The following ZNF728 variants were observed in gnomAD, a reference collection of about 807,000 sequenced individuals.
ZNF728 encodes the protein zinc finger protein 728.
ZNF728 carries 12 observed loss-of-function variants against 12.5 expected under a neutral mutation model. The observed-to-expected ratio is 0.96, with a 90% CI of 0.61 to 1.55. The LOEUF (loss-of-function observed/expected upper bound fraction) is 1.55, where lower values mean the gene tolerates loss of function less well. Ranked by LOEUF, ZNF728 falls within the 40% of genes most tolerant of loss-of-function variation. The pLI, the probability that ZNF728 is intolerant of heterozygous loss-of-function variation, is 0.00. For missense variants in ZNF728, 692 were observed against 719.2 expected (o/e 0.96, Z 0.43); for synonymous variants, 205 against 240.7 (o/e 0.85, Z 1.37).
At chr19:22,983,532 T>G (rs1057341246) in intron 3 of ZNF728, among the ~76,000 whole-genome samples, 2 of 152,196 alleles carry the variant, frequency 1.3e-5, no homozygotes, top group African/African-American at 4.8e-5. Flanking sequence ...TTATAAATCA[T>G]TCTACTATAA....
intron 3 of ZNF728, among the ~76,000 whole-genome samples, chr19:22,981,873 C>T (rs1262445143): frequency 2.0e-5 from 3 of 152,058 alleles, no homozygotes; most frequent in African/African-American, 4.8e-5. Context: ...ATTGATGGAA[C>T]GTATCTCAAA....
chr19:22,994,535 G>C (rs969250581), intron 1 of ZNF728, among the ~76,000 whole-genome samples: 5 of 152,196 alleles, frequency 3.3e-5, no homozygotes, highest in African/African-American at 9.7e-5. Flanking sequence ...GAAAGACAGT[G>C]ACCATAATCA....
intron 3 of ZNF728, among the ~76,000 whole-genome samples, chr19:22,984,264 GA>G (rs892582234): frequency 3.3e-5 from 5 of 149,462 alleles, no homozygotes; most frequent in South Asian, 2.1e-4. Flanking sequence ...GAAAAAAATT[GA>G]AAAAAAAATA....
At chr19:23,002,879 A>G in intron 1 of ZNF728, 149 bp downstream of exon 1, 1 of 1,035,510 alleles carries the variant, frequency 9.7e-7, no homozygotes, top group Non-Finnish European at 1.4e-6. Context: ...TTATGCCTGA[A>G]GCGGACTGAG....
intron 3 of ZNF728, among the ~76,000 whole-genome samples, chr19:22,981,964 C>T (rs576856789): frequency 1.8e-4 from 27 of 152,180 alleles, no homozygotes; most frequent in East Asian, 5.8e-4. Context: ...CTTTGAAAAC[C>T]GGCACAAGAC....
intron 1 of ZNF728, chr19:22,995,830 A>T (rs1322445852): frequency 6.6e-6 from 1 of 152,210 alleles, no homozygotes; most frequent in Non-Finnish European, 1.5e-5. Flanking sequence ...TATATCTGAC[A>T]ACTTCCAGTA....
chr19:22,997,252 G>T (rs1372446586), intron 1 of ZNF728, among the ~76,000 whole-genome samples: 1 of 152,008 alleles, frequency 6.6e-6, no homozygotes, highest in Non-Finnish European at 1.5e-5. Flanking sequence ...CACACAATCA[G>T]AAATAAAACA....
chr19:22,997,877 G>GT (rs1473604247), intron 1 of ZNF728, among the ~76,000 whole-genome samples: 4 of 151,706 alleles, frequency 2.6e-5, no homozygotes, highest in Non-Finnish European at 5.9e-5. Context: ...TAGAAGAAAT[G>GT]AAAAAATTCT....
At chr19:22,988,544 C>T in intron 1 of ZNF728, 93 bp from the exon 2 acceptor site, 1 of 1,540,724 alleles carries the variant, frequency 6.5e-7, no homozygotes. Flanking sequence ...GTAAAAAGAG[C>T]TCATTCTGAC....
rs1968814716 is a variant in ZNF728, at chr19:22,977,079, C to T, written c.258G>A (p.Trp86Ter). The change falls in exon 4 of 4, where the codon TGG (tryptophan) becomes TGA (stop). Residue 86 changes from tryptophan (W) to a stop codon, truncating the protein, a stop_gained. Coordinates refer to ENST00000594710, the MANE Select transcript of ZNF728 (RefSeq NM_001267716.2). LOFTEE classifies it low-confidence loss of function (END_TRUNC). ...AAGAATCTTCTCTGCCCTGCTCTGG[C>T]CAAAGGTCTTGAGCAAAATGAGAAC... The part of the protein sequence containing the change: ...VICSHFAQDL[W>*]PEQGREDSFQ... 6.3e-7 allele frequency: 1 copy of T among 1,594,228 alleles called. No homozygotes were observed. The highest frequency in any genetic ancestry group is 8.5e-7 in the Non-Finnish European group (1 of 1,172,834).
chr19:22,988,337 G>C lies in ZNF728; in HGVS notation c.118C>G (p.Leu40Val), dbSNP rs1968941730. 1 of 1,613,984 alleles carries C rather than the reference G, an allele frequency of 6.2e-7. No homozygotes were observed. Among genetic ancestry groups the C allele is most frequent in the East Asian group, 2.2e-5 (1 of 44,874 alleles). Residue 40 changes from leucine to valine, a missense_variant, in exon 2 of 4, where the codon CTG becomes GTG. By Grantham distance (32) the Leu-to-Val change is conservative (BLOSUM62 1). Around this residue, in one of 3 missense-constraint regions of ZNF728, gnomAD observed 440 missense variants for 459.6 expected, o/e 0.96. Transcript: ENST00000594710. ...RNVMLENYRN[L>V]VFLGIAAPKP... The stretch of plus-strand genomic sequence containing the variant: ...AAGTTATTCTCACCCAGGAAGACCA[G>C]GTTTCTGTAGTTCTCTAACATCACA...
At chr19:23,002,779 C>T (rs1969126100) in intron 1 of ZNF728, among the ~76,000 whole-genome samples, 2 of 152,194 alleles carry the variant, frequency 1.3e-5, no homozygotes, top group African/African-American at 4.8e-5. Flanking sequence ...GGGTGCAGAG[C>T]GGCCCCAAGA....
At chr19:22,989,846 T>G (rs1380605601) in intron 1 of ZNF728, among the ~76,000 whole-genome samples, 2 of 152,168 alleles carry the variant, frequency 1.3e-5, no homozygotes, top group Non-Finnish European at 2.9e-5. Context: ...AATGAGTGGT[T>G]TCTTAATCCT....
rs770768256 is a variant in ZNF728, at chr19:22,988,455, G to A, written c.4-4C>T. ...CATCCCGAAATGTCAACGATCCCTG[G>A]AAAACACACACAAACACACATATTT... is the stretch of plus-strand genomic sequence containing the variant. On this transcript the variant is annotated splice_region_variant and splice_polypyrimidine_tract_variant and intron_variant, in intron 1 of 3. Coordinates refer to ENST00000594710, the MANE Select transcript of ZNF728 (RefSeq NM_001267716.2). 1.9e-6 allele frequency: 3 copies of A among 1,613,604 alleles called. No individual in the cohort carries two copies. The African/African-American group carries it at 4.0e-5, about 22-fold the overall frequency.
intron 3 of ZNF728, among the ~76,000 whole-genome samples, chr19:22,984,429 T>C (rs1292470991): frequency 1.3e-5 from 2 of 151,624 alleles, no homozygotes; most frequent in South Asian, 2.1e-4. Flanking sequence ...CTTGGTGGCA[T>C]GCACCTGTAG....
intron 2 of ZNF728, 54 bp downstream of exon 2, chr19:22,988,271 G>T: frequency 1.2e-6 from 2 of 1,612,080 alleles, no homozygotes; most frequent in Non-Finnish European, 1.7e-6. Flanking sequence ...AAAGTCCACA[G>T]CAAAATGAAA....
chr19:22,983,033 T>G (rs531478505), intron 3 of ZNF728, among the ~76,000 whole-genome samples: 1 of 151,924 alleles, frequency 6.6e-6, no homozygotes, highest in East Asian at 1.9e-4. Context: ...ACTAAAGAGC[T>G]TCTGCACAGC....
At chr19:22,980,355 A>G (rs1337858233) in intron 3 of ZNF728, among the ~76,000 whole-genome samples, 2 of 152,192 alleles carry the variant, frequency 1.3e-5, no homozygotes, top group African/African-American at 2.4e-5. Flanking sequence ...TATGCACCCA[A>G]TACAGGAGCA....
At chr19:22,995,629 G>A (rs980101574) in intron 1 of ZNF728, 2 of 152,088 alleles carry the variant, frequency 1.3e-5, no homozygotes, top group Non-Finnish European at 2.9e-5. Context: ...TAGAGACAAG[G>A]TTTCACTATG....
Sources: gnomAD v4.1 joint callset for allele counts (sites outside exome capture counted in the v4.1 genomes callset) on GRCh38, gnomAD v4.1.1 for gene constraint, gnomAD v4.1.1 regional missense constraint, MANE v1.5 for transcripts, NCBI Gene and HGNC (gene_info 2026-07-23, HGNC 2026-07-21) for gene names.